RALYL: variants seen among roughly 807,000 people sequenced by gnomAD.
RALYL encodes the protein RNA-binding Raly-like protein.
In RALYL, 29 loss-of-function variants were observed where a neutral mutation model predicts 35.1. The ratio of observed to expected loss-of-function variants is 0.83; its 90% confidence interval spans 0.61 to 1.13. The LOEUF (loss-of-function observed/expected upper bound fraction) is 1.13. Ranked by LOEUF, RALYL falls within the 50% of genes most tolerant of loss-of-function variation. The pLI, the probability that RALYL is intolerant of heterozygous loss-of-function variation, is 0.00. For missense variants in RALYL, 359 were observed against 360.4 expected, an observed-to-expected ratio of 1.00 and a Z score of 0.03; for synonymous variants, 120 against 127.6, an observed-to-expected ratio of 0.94 and a Z score of 0.40.
intron 2 of RALYL, among the ~76,000 whole-genome samples, chr8:84,667,253 C>T (rs1564339574): frequency 1.3e-5 from 2 of 151,710 alleles, no homozygotes; most frequent in Non-Finnish European, 2.9e-5. Context: ...TATTCAGGTT[C>T]GAGTATGGGC....
intron 1 of RALYL, among the ~76,000 whole-genome samples, chr8:84,291,644 T>C (rs1302228044): frequency 6.6e-6 from 1 of 152,054 alleles, no homozygotes; most frequent in Non-Finnish European, 1.5e-5. Context: ...TTATGTATAT[T>C]GATTATAAAA....
chr8:84,564,833 G>T (rs1475407776), intron 2 of RALYL, among the ~76,000 whole-genome samples: 3 of 151,376 alleles, frequency 2.0e-5, no homozygotes, highest in Non-Finnish European at 4.4e-5. Flanking sequence ...TGTAATGATT[G>T]TTCAATCAAC....
intron 2 of RALYL, among the ~76,000 whole-genome samples, chr8:84,545,361 C>T (rs2135336172): frequency 6.6e-6 from 1 of 152,202 alleles, no homozygotes; most frequent in Admixed American, 6.5e-5. Flanking sequence ...CTGGACAGTC[C>T]TACTCCATGC....
chr8:84,898,753 T>C (rs1291577596), intron 8 of RALYL, among the ~76,000 whole-genome samples: 1 of 152,116 alleles, frequency 6.6e-6, no homozygotes, highest in African/African-American at 2.4e-5. Context: ...GGGATTGACT[T>C]TCCTGAAATG....
intron 2 of RALYL, among the ~76,000 whole-genome samples, chr8:84,650,337 A>T (rs946426988): frequency 6.6e-6 from 1 of 151,692 alleles, no homozygotes; most frequent in Non-Finnish European, 1.5e-5. Context: ...CAAAGGGCTA[A>T]TATCCAGAAT....
chr8:84,666,561 A>G (rs905601621), intron 2 of RALYL, among the ~76,000 whole-genome samples: 3 of 152,094 alleles, frequency 2.0e-5, no homozygotes, highest in Non-Finnish European at 2.9e-5. Context: ...GTTACAAAAA[A>G]TACTGTTTCT....
chr8:84,870,318 G>C (rs998601660), intron 6 of RALYL, among the ~76,000 whole-genome samples: 17 of 151,208 alleles, frequency 1.1e-4, no homozygotes, highest in South Asian at 2.1e-4. Flanking sequence ...GTGTGCAGTG[G>C]TGCGATCTTG....
chr8:84,451,380 A>G (rs987498301), intron 1 of RALYL, among the ~76,000 whole-genome samples: 6 of 152,006 alleles, frequency 3.9e-5, no homozygotes, highest in South Asian at 2.1e-4. Flanking sequence ...ATGCTCCCCA[A>G]TTCTGATGAC....
At position 84,355,062 on chromosome 8, in the gene RALYL, A is replaced by T. The variant is rs146993016; in HGVS notation, c.-24+170638A>T. Among the ~76,000 whole-genome samples, 141 of 150,426 alleles carry T rather than the reference A, an allele frequency of 9.4e-4. 5 individuals carry two copies. The highest frequency in any genetic ancestry group is 2.0e-3 in the African/African-American group (80 of 40,482). ...AAATTATGACTTTTGAGAGGACAAG[A>T]CTCTGTGTTTGATATGTCTACTTCA... On this transcript the variant is annotated intron_variant, in intron 1 of 8. Coordinates refer to ENST00000521268, the MANE Select transcript of RALYL (RefSeq NM_173848.7).
intron 2 of RALYL, among the ~76,000 whole-genome samples, chr8:84,604,256 T>C (rs1399232854): frequency 6.6e-6 from 1 of 152,110 alleles, no homozygotes; most frequent in African/African-American, 2.4e-5. Flanking sequence ...AGCCGTGAAA[T>C]TCAGGAAAGT....
intron 1 of RALYL, among the ~76,000 whole-genome samples, chr8:84,396,054 T>C (rs1258133234): frequency 1.3e-5 from 2 of 152,038 alleles, no homozygotes; most frequent in African/African-American, 2.4e-5. Flanking sequence ...TATGGACTAA[T>C]TTATCAATTA....
chr8:84,255,156 T>C (rs1448321539), intron 1 of RALYL, among the ~76,000 whole-genome samples: 1 of 152,122 alleles, frequency 6.6e-6, no homozygotes, highest in Non-Finnish European at 1.5e-5. Flanking sequence ...AAAAAACTTA[T>C]TTCAGTAAAT....
chr8:84,854,159 A>AAC (rs1836469382), intron 5 of RALYL, among the ~76,000 whole-genome samples: 1 of 152,090 alleles, frequency 6.6e-6, no homozygotes, highest in African/African-American at 2.4e-5. Flanking sequence ...CAGCCTGGCC[A>AAC]ACATGGTAAA....
At chr8:84,665,772 A>G (rs1320633031) in intron 2 of RALYL, 2 of 151,778 alleles carry the variant, frequency 1.3e-5, no homozygotes, top group Non-Finnish European at 2.9e-5. Context: ...AATACGGAAC[A>G]CTTCACAAAT....
intron 2 of RALYL, among the ~76,000 whole-genome samples, chr8:84,766,568 A>C (rs1486031570): frequency 2.0e-5 from 3 of 147,420 alleles, no homozygotes; most frequent in Admixed American, 6.7e-5. Context: ...TAAATAAATA[A>C]ATAAAATTAG....
At chr8:84,298,857 A>T (rs2132330293) in intron 1 of RALYL, among the ~76,000 whole-genome samples, 1 of 152,014 alleles carries the variant, frequency 6.6e-6, no homozygotes, top group African/African-American at 2.4e-5. Flanking sequence ...TTTGGATCTC[A>T]TTTGAATGTT....
At chr8:84,619,189 T>TG (rs1820631072) in intron 2 of RALYL, among the ~76,000 whole-genome samples, 1 of 151,730 alleles carries the variant, frequency 6.6e-6, no homozygotes, top group South Asian at 2.1e-4. Context: ...ATGTTGACAG[T>TG]GGGGTGTTAA....
intron 1 of RALYL, among the ~76,000 whole-genome samples, chr8:84,346,882 A>G (rs935417052): frequency 3.9e-5 from 6 of 152,154 alleles, no homozygotes; most frequent in Non-Finnish European, 5.9e-5. Flanking sequence ...TAAGGAATTG[A>G]TATTTATAAA....
At chr8:84,691,021 A>AAAG (rs1254831183) in intron 2 of RALYL, among the ~76,000 whole-genome samples, 4 of 152,238 alleles carry the variant, frequency 2.6e-5, no homozygotes, top group Non-Finnish European at 5.9e-5. Flanking sequence ...TTTGAGGTTA[A>AAAG]AAGAAAAAGA....
Sources: gnomAD v4.1 joint callset for allele counts (sites outside exome capture counted in the v4.1 genomes callset) on GRCh38, gnomAD v4.1.1 for gene constraint, MANE v1.5 for transcripts, NCBI Gene and HGNC (gene_info 2026-07-23, HGNC 2026-07-21) for gene names.